PRKN: variants seen among roughly 807,000 people sequenced by gnomAD.
PRKN encodes parkin RBR E3 ubiquitin protein ligase.
A neutral mutation model predicts 59.5 loss-of-function variants in PRKN; 56 were observed. The ratio of observed to expected loss-of-function variants is 0.94; its 90% CI spans 0.76 to 1.18. The LOEUF is 1.18. Among genes scored for constraint, PRKN ranks in the 50% most tolerant of loss-of-function variants. The pLI, the probability that PRKN is intolerant of heterozygous loss-of-function variation, is 0.00. For missense variants in PRKN, 657 were observed against 596.4 expected, an observed-to-expected ratio of 1.10 and a Z score of -1.06; for synonymous variants, 250 against 222.1, an observed-to-expected ratio of 1.13 and a Z score of -1.12.
chr6:161,928,333 T>C (rs1779042799), intron 6 of PRKN, among the ~76,000 whole-genome samples: 1 of 152,206 alleles, frequency 6.6e-6, no homozygotes, highest in South Asian at 2.1e-4. Flanking sequence ...TAATTTATGA[T>C]GGTTAAAAAT....
At chr6:161,450,375 T>A (rs1789674866) in intron 9 of PRKN, among the ~76,000 whole-genome samples, 1 of 152,224 alleles carries the variant, frequency 6.6e-6, no homozygotes, top group Non-Finnish European at 1.5e-5. Context: ...CCATCTATTG[T>A]GAGAACTTCT....
Position 161,554,369 on chromosome 6 carries a change from T to G in PRKN, c.934-5366A>C, listed in dbSNP as rs1272607412. 2.6e-5 allele frequency among the ~76,000 whole-genome samples: 4 copies of G among 151,394 alleles called. No homozygotes were observed. In the Admixed American group the frequency reaches 2.6e-4, roughly 10 times the overall value. On this transcript the variant is annotated intron_variant, in intron 8 of 11. Coordinates refer to ENST00000366898, the MANE Select transcript of PRKN (RefSeq NM_004562.3). This position sits in a 1 kb window ranked among gnomAD's most constrained non-coding sequence, Gnocchi z 4.5. Reference sequence around the variant, plus strand: ...CATGCGGCCATTTCGAACTATGCTGTCTTTCTCTTAACCTTCATGTTATCT... The same window carrying G: ...CATGCGGCCATTTCGAACTATGCTGGCTTTCTCTTAACCTTCATGTTATCT...
In PRKN at chr6:161,548,156, T is replaced by A. The variant is rs1230657855; in HGVS notation, c.1083+698A>T. 6.6e-6 allele frequency among the ~76,000 whole-genome samples: 1 copy of A among 152,252 alleles called. No homozygotes were observed. The highest frequency in any genetic ancestry group is 1.5e-5 in the Non-Finnish European group (1 of 68,050). On this transcript the variant is annotated intron_variant, in intron 9 of 11. Coordinates refer to ENST00000366898, the MANE Select transcript of PRKN (RefSeq NM_004562.3). This position sits in a 1 kb window ranked among gnomAD's most constrained non-coding sequence, Gnocchi z 4.2. ...CTTTTCCAGGCTGCATGAAATTTAA[T>A]ATCAGGATTATTATCCATTTGTCAT...
chr6:162,432,263 C>A (rs576993563), intron 2 of PRKN, among the ~76,000 whole-genome samples: 6 of 152,150 alleles, frequency 3.9e-5, no homozygotes, highest in Non-Finnish European at 1.5e-5. Context: ...CGCCGTGGCT[C>A]ATGCCTGTAA....
chr6:161,368,469 C>T (rs893245330), intron 10 of PRKN, among the ~76,000 whole-genome samples: 2 of 147,876 alleles, frequency 1.4e-5, no homozygotes, highest in Admixed American at 6.8e-5. Flanking sequence ...GCATGAGAAT[C>T]ACTTGAATCC....
chr6:161,647,306 A>G (rs1783993071), intron 7 of PRKN, among the ~76,000 whole-genome samples: 1 of 152,248 alleles, frequency 6.6e-6, no homozygotes, highest in African/African-American at 2.4e-5. Context: ...ATAGGGCATG[A>G]CAGGGGCAGA....
intron 2 of PRKN, among the ~76,000 whole-genome samples, chr6:162,396,614 C>G (rs1045386762): frequency 3.3e-5 from 5 of 152,110 alleles, no homozygotes; most frequent in Non-Finnish European, 5.9e-5. Flanking sequence ...CTGGACCCGT[C>G]GCTTGTGTTA....
intron 7 of PRKN, among the ~76,000 whole-genome samples, chr6:161,618,070 A>T (rs1327650965): frequency 6.6e-6 from 1 of 152,254 alleles, no homozygotes; most frequent in Non-Finnish European, 1.5e-5. Flanking sequence ...ATGTATGATC[A>T]TAAGAACTAC....
At chr6:161,781,691 C>T (rs1790211733) in intron 7 of PRKN, among the ~76,000 whole-genome samples, 1 of 151,882 alleles carries the variant, frequency 6.6e-6, no homozygotes, top group Non-Finnish European at 1.5e-5. Flanking sequence ...AAGGGGCTGT[C>T]AACAGTGTGC....
intron 1 of PRKN, among the ~76,000 whole-genome samples, chr6:162,622,313 T>G (rs71567663): frequency 0.046 from 6,900 of 150,768 alleles, 132 homozygotes; most frequent in Middle Eastern, 0.089. Context: ...GTTTTGTTTT[T>G]TTTTGGTAGC....
chr6:161,542,592 T>C (rs546742680), intron 9 of PRKN, among the ~76,000 whole-genome samples: 51 of 152,362 alleles, frequency 3.3e-4, no homozygotes, highest in African/African-American at 1.2e-3. Context: ...GAGTTTAAAT[T>C]AGATTTTTGG....
At chr6:161,591,244 T>C (rs992812776) in intron 7 of PRKN, among the ~76,000 whole-genome samples, 1 of 152,222 alleles carries the variant, frequency 6.6e-6, no homozygotes, top group Non-Finnish European at 1.5e-5. Flanking sequence ...AAATTCTTTC[T>C]CTTGCACCTT....
At chr6:162,446,346 C>A (rs1307894701) in intron 1 of PRKN, among the ~76,000 whole-genome samples, 1 of 152,074 alleles carries the variant, frequency 6.6e-6, no homozygotes, top group Non-Finnish European at 1.5e-5. Flanking sequence ...GCCAAAGCTG[C>A]TATAAAACCA....
At chr6:162,401,185 A>C (rs528193098) in intron 2 of PRKN, among the ~76,000 whole-genome samples, 3 of 152,184 alleles carry the variant, frequency 2.0e-5, no homozygotes, top group Admixed American at 1.3e-4. Context: ...TAAACAACAT[A>C]ACCATAAAAG....
intron 3 of PRKN, among the ~76,000 whole-genome samples, chr6:162,213,629 G>A (rs1209330736): frequency 6.6e-6 from 1 of 152,120 alleles, no homozygotes; most frequent in Admixed American, 6.6e-5. Context: ...GGAATAGCTA[G>A]GAGGCTGAGG....
At chr6:162,249,076 C>T in intron 3 of PRKN, among the ~76,000 whole-genome samples, 1 of 152,166 alleles carries the variant, frequency 6.6e-6, no homozygotes, top group East Asian at 1.9e-4. Context: ...GACGAGGTTT[C>T]ACCATGTTGG....
intron 3 of PRKN, among the ~76,000 whole-genome samples, chr6:162,245,535 G>C (rs1406071008): frequency 6.6e-6 from 1 of 151,706 alleles, no homozygotes; most frequent in Non-Finnish European, 1.5e-5. Context: ...TAGCAAAACA[G>C]CTATTTTACC....
chr6:161,525,602 G>A lies in PRKN; in HGVS notation c.1083+23252C>T, dbSNP rs1193932636. On this transcript the variant is annotated intron_variant, in intron 9 of 11. Coordinates refer to ENST00000366898, the MANE Select transcript of PRKN (RefSeq NM_004562.3). This position sits in a 1 kb window ranked among gnomAD's most constrained non-coding sequence, Gnocchi z 4.7. ...GAAAAGTTTAGTTTATGAGAAGGCTGTAGGAGGCAGTTCCCGGAGCCTAAG... is the reference window on the plus strand; with the variant it reads ...GAAAAGTTTAGTTTATGAGAAGGCTATAGGAGGCAGTTCCCGGAGCCTAAG... Among the ~76,000 whole-genome samples, 4 of 152,222 alleles carry A rather than the reference G, an allele frequency of 2.6e-5. No homozygotes were observed. Among genetic ancestry groups the A allele is most frequent in the African/African-American group, 7.2e-5 (3 of 41,460 alleles).
intron 1 of PRKN, among the ~76,000 whole-genome samples, chr6:162,479,587 G>C (rs62428776): frequency 0.46 from 69,626 of 151,778 alleles, 16,164 homozygotes; most frequent in Middle Eastern, 0.53. Flanking sequence ...CCTGGGCTTA[G>C]AGAGGGTCAA....
Sources: gnomAD v4.1 joint callset for allele counts (sites outside exome capture counted in the v4.1 genomes callset) on GRCh38, gnomAD v4.1.1 for gene constraint, Gnocchi (gnomAD v3.1) non-coding constraint, MANE v1.5 for transcripts, NCBI Gene and HGNC (gene_info 2026-07-23, HGNC 2026-07-21) for gene names.